SMAD5: variants seen among roughly 807,000 people sequenced by gnomAD.
SMAD5 encodes the protein MAD, mothers against decapentaplegic homolog 5.
Under a neutral mutation model 43.1 loss-of-function variants are expected in SMAD5, and 9 were observed. The observed-to-expected ratio is 0.21, with a 90% CI of 0.13 to 0.36. The LOEUF (loss-of-function observed/expected upper bound fraction) is 0.36, where lower values mean the gene tolerates loss of function less well. SMAD5 is among the 10% of genes least tolerant of loss of function. The probability of loss-of-function intolerance (pLI) is 1.00; values close to 1 mark genes in which losing one functional copy is unlikely to be tolerated. For synonymous variants in SMAD5, 190 were observed against 192.4 expected (o/e 0.99, Z 0.10); for missense variants, 348 against 574.0 (o/e 0.61, Z 4.02).
intron 5 of SMAD5, among the ~76,000 whole-genome samples, chr5:136,166,083 C>T (rs1202692345): frequency 6.6e-6 from 1 of 151,748 alleles, no homozygotes; most frequent in Non-Finnish European, 1.5e-5. Flanking sequence ...CTCACCAGCA[C>T]TTGTTTTCTA....
At chr5:136,155,087 CTCAAG>C (rs1299419769) in intron 3 of SMAD5, among the ~76,000 whole-genome samples, 1 of 152,206 alleles carries the variant, frequency 6.6e-6, no homozygotes, top group African/African-American at 2.4e-5. Context: ...ACATTTTGAA[CTCAAG>C]TCAACTTCTC....
intron 5 of SMAD5, among the ~76,000 whole-genome samples, chr5:136,166,846 A>G (rs1358943391): frequency 1.3e-5 from 2 of 152,140 alleles, no homozygotes; most frequent in East Asian, 1.9e-4. Context: ...TCATAGTGCC[A>G]TTTAATAGTG....
At chr5:136,161,955 A>G (rs1017557668) in intron 4 of SMAD5, among the ~76,000 whole-genome samples, 4 of 152,228 alleles carry the variant, frequency 2.6e-5, no homozygotes, top group African/African-American at 4.8e-5. Context: ...TAAATTTATA[A>G]ATAAAGACCC....
At chr5:136,170,758 T>G (rs1754189539) in intron 5 of SMAD5, among the ~76,000 whole-genome samples, 1 of 152,170 alleles carries the variant, frequency 6.6e-6, no homozygotes, top group African/African-American at 2.4e-5. Flanking sequence ...TCATCAGAGT[T>G]TTGTAGTCTT....
At chr5:136,170,809 A>C (rs1754192825) in intron 5 of SMAD5, among the ~76,000 whole-genome samples, 1 of 152,068 alleles carries the variant, frequency 6.6e-6, no homozygotes. Context: ...TTTGTGCCTA[A>C]GTATTTAATT....
intron 1 of SMAD5, among the ~76,000 whole-genome samples, chr5:136,139,816 C>T (rs567659822): frequency 2.0e-5 from 3 of 152,128 alleles, no homozygotes; most frequent in Non-Finnish European, 4.4e-5. Flanking sequence ...CCACCTCAGC[C>T]TCCTAAGTAG....
chr5:136,146,440 G>A (rs567052300), intron 1 of SMAD5, among the ~76,000 whole-genome samples: 9 of 151,726 alleles, frequency 5.9e-5, no homozygotes, highest in Admixed American at 3.3e-4. Flanking sequence ...TTCTAAATTC[G>A]TTTTATTTAG....
chr5:136,145,611 C>T (rs1290368022), intron 1 of SMAD5, among the ~76,000 whole-genome samples: 1 of 151,884 alleles, frequency 6.6e-6, no homozygotes, highest in African/African-American at 2.4e-5. Flanking sequence ...AATAAAGGAT[C>T]CCAACCATTT....
intron 3 of SMAD5, among the ~76,000 whole-genome samples, chr5:136,159,610 A>T (rs1216129076): frequency 6.6e-6 from 1 of 151,242 alleles, no homozygotes; most frequent in African/African-American, 2.4e-5. Context: ...AGTCTCTCAG[A>T]TTGCTAGCCT....
At chr5:136,147,591 T>C (rs1753302760) in intron 1 of SMAD5, 1 of 151,890 alleles carries the variant, frequency 6.6e-6, no homozygotes, top group Non-Finnish European at 1.5e-5. Flanking sequence ...TCTTGCTTTC[T>C]GTATAATTAA....
At chr5:136,142,097 G>A (rs756179437) in intron 1 of SMAD5, among the ~76,000 whole-genome samples, 7 of 152,150 alleles carry the variant, frequency 4.6e-5, no homozygotes, top group Non-Finnish European at 7.3e-5. Flanking sequence ...TATTTATTGA[G>A]CATATGTATC....
At chr5:136,145,761 A>T (rs1305101651) in intron 1 of SMAD5, among the ~76,000 whole-genome samples, 1 of 151,956 alleles carries the variant, frequency 6.6e-6, no homozygotes, top group Admixed American at 6.6e-5. Context: ...CATAGTATTC[A>T]CGATACAAAA....
At chr5:136,142,499 G>C (rs1420409114) in intron 1 of SMAD5, among the ~76,000 whole-genome samples, 3 of 152,048 alleles carry the variant, frequency 2.0e-5, no homozygotes, top group Admixed American at 2.0e-4. Flanking sequence ...GGAACCTCAC[G>C]TACACAGGAA....
chr5:136,153,174 G>A (rs2149768215), intron 2 of SMAD5, among the ~76,000 whole-genome samples: 1 of 152,224 alleles, frequency 6.6e-6, no homozygotes, highest in East Asian at 1.9e-4. Flanking sequence ...AGAAGAGCTG[G>A]ATTTCTTTTA....
chr5:136,166,086 G>A (rs910863938), intron 5 of SMAD5, among the ~76,000 whole-genome samples: 2 of 150,984 alleles, frequency 1.3e-5, no homozygotes, highest in African/African-American at 4.9e-5. Context: ...ACCAGCACTT[G>A]TTTTCTATTT....
rs1256732580 is a variant in SMAD5, at chr5:136,147,895, A to G, written c.-181A>G. Reference sequence around the variant, plus strand: ...TATTCTAAGAAATTAAAATGTCCAGAAATCTGCCTCTGTAAGTAACCTTTT... The same window carrying G: ...TATTCTAAGAAATTAAAATGTCCAGGAATCTGCCTCTGTAAGTAACCTTTT... On this transcript the variant is annotated 5_prime_UTR_variant, in exon 2 of 8. Coordinates refer to ENST00000545279, the MANE Select transcript of SMAD5 (RefSeq NM_005903.7). The G allele has an allele frequency of 6.6e-6, 1 of 151,808 alleles. No homozygotes were observed. The highest frequency in any genetic ancestry group is 2.4e-5 in the African/African-American group (1 of 41,390). 9.4% of individuals were successfully genotyped at this position (151,808 alleles called of 1,614,324 possible).
Position 136,181,586 on chromosome 5 carries a change from T to G in SMAD5, c.*4106T>G, listed in dbSNP as rs890765223. On this transcript the variant is annotated 3_prime_UTR_variant, in exon 8 of 8. Transcript: ENST00000545279. The stretch of plus-strand genomic sequence containing the variant: ...TTTCTCATTGATATAAGTAAGATTC[T>G]TAGGAGCTTTTCTTATCACACAAGA... 13 of 152,164 alleles carry G rather than the reference T, an allele frequency of 8.5e-5. No individual in the cohort carries two copies. The highest frequency in any genetic ancestry group is 2.9e-4 in the African/African-American group (12 of 41,450). 9.4% of individuals were successfully genotyped at this position (152,164 alleles called of 1,614,324 possible). A position where few individuals can be genotyped will look rare whatever the true frequency, so the allele number is the denominator to read the frequency against.
At chr5:136,177,144 A>G (rs1754448041) in intron 7 of SMAD5, among the ~76,000 whole-genome samples, 193 bp from the exon 8 acceptor site, 1 of 152,198 alleles carries the variant, frequency 6.6e-6, no homozygotes, top group Non-Finnish European at 1.5e-5. Flanking sequence ...GAATTCATGA[A>G]TCTTTAAATA....
intron 1 of SMAD5, among the ~76,000 whole-genome samples, chr5:136,135,798 G>A (rs912268817): frequency 6.6e-6 from 1 of 152,086 alleles, no homozygotes; most frequent in Non-Finnish European, 1.5e-5. Flanking sequence ...CTATTCTCTT[G>A]GTTTATCAGT....
Sources: allele counts gnomAD v4.1 joint callset (sites outside exome capture counted in the v4.1 genomes callset), GRCh38; gene constraint gnomAD v4.1.1; transcripts MANE v1.5; gene names NCBI Gene and HGNC (gene_info 2026-07-23, HGNC 2026-07-21).